SP110: variants seen among roughly 807,000 people sequenced by gnomAD.
SP110 encodes interferon-induced protein 41, 30kD.
In SP110, 62 loss-of-function variants were observed where a neutral mutation model predicts 92.7. The observed-to-expected ratio is 0.67, with a 90% CI of 0.55 to 0.83. The LOEUF (loss-of-function observed/expected upper bound fraction) is 0.83. Among genes scored for constraint, SP110 ranks in the 40% least tolerant of loss-of-function variants. The pLI is 0.00. For missense variants in SP110, 793 were observed against 863.9 expected (o/e 0.92, Z 1.03); for synonymous variants, 273 against 305.3 (o/e 0.89, Z 1.10).
chr2:230,195,126 C>T (rs2042809322), intron 10 of SP110, among the ~76,000 whole-genome samples: 1 of 152,004 alleles, frequency 6.6e-6, no homozygotes, highest in Non-Finnish European at 1.5e-5. Context: ...AAAAAACCCA[C>T]ATCTTTTATG....
chr2:230,179,498 T>TG (rs1560532592), intron 12 of SP110, among the ~76,000 whole-genome samples: 6 of 32,038 alleles, frequency 1.9e-4, no homozygotes, highest in Admixed American at 3.6e-4. Flanking sequence ...CAGGGAGGAG[T>TG]GGGGGTGGGA....
chr2:230,172,349 CA>C, intron 15 of SP110, 175 bp from the exon 16 acceptor site: 1 of 663,332 alleles, frequency 1.5e-6, no homozygotes, highest in Non-Finnish European at 2.8e-6. Context: ...TCCCTCGCAT[CA>C]GTGGTAGCGG....
chr2:230,183,711 C>G (rs750092989), intron 11 of SP110, 71 bp from the exon 12 acceptor site: 15 of 1,035,562 alleles, frequency 1.4e-5, no homozygotes, highest in Non-Finnish European at 2.1e-5. Context: ...TAACAATCTT[C>G]AAGCATTTTT....
At chr2:230,187,681 T>C (rs2042418890) in intron 10 of SP110, among the ~76,000 whole-genome samples, 1 of 152,036 alleles carries the variant, frequency 6.6e-6, no homozygotes, top group Non-Finnish European at 1.5e-5. Flanking sequence ...AGGTGGGAAA[T>C]AGGGATCCAG....
intron 14 of SP110, chr2:230,173,460 A>G (rs72994192): frequency 1.1e-5 from 2 of 177,842 alleles, no homozygotes; most frequent in Non-Finnish European, 2.5e-5. Context: ...GCTATGACCC[A>G]GTAAATAACA....
intron 17 of SP110, 44 bp downstream of exon 17, chr2:230,171,652 C>A: frequency 2.7e-6 from 4 of 1,475,334 alleles, no homozygotes. Flanking sequence ...CCCCAAATTT[C>A]TCCAAATGCA....
chr2:230,212,907 T>C lies in SP110; in HGVS notation c.437A>G (p.Gln146Arg), dbSNP rs758457774. The C allele has an allele frequency of 1.2e-6, 2 of 1,613,844 alleles. No individual in the cohort carries two copies. Among genetic ancestry groups the C allele is most frequent in the South Asian group, 2.2e-5 (2 of 91,078 alleles). The part of the protein sequence containing the change: ...PLALPPPQPP[Q>R]PSCSPCAPRV... ...TGGCGCACAGGGTGAACAGCTTGGT[T>C]GAGGGGGTTGTGGTGGGGGCAGCGC... Residue 146 changes from glutamine to arginine, a missense_variant, in exon 4 of 19, where the codon CAA (glutamine) becomes CGA (arginine). By Grantham distance (43) the Gln-to-Arg change is conservative. Transcript: ENST00000258381.
intron 3 of SP110, 69 bp downstream of exon 3, chr2:230,214,881 T>C: frequency 7.5e-7 from 1 of 1,332,960 alleles, no homozygotes; most frequent in Non-Finnish European, 1.1e-6. Flanking sequence ...TCCACAGGGC[T>C]AGAAGTAAAC....
chr2:230,212,957 T>C lies in SP110; in HGVS notation c.387A>G (p.Glu129=). ...ILLEAPTGLA[E]GSSLHTPLAL... ...CCAGTGGGGTATGGAGGGAGCTTCC[T>C]TCTGCTAGGCCAGTTGGGGCTTCAA... The change falls in exon 4 of 19, where the codon GAA becomes GAG. Residue 129 remains glutamate, a synonymous_variant. Transcript: ENST00000258381. 6.2e-7 allele frequency: 1 copy of C among 1,614,044 alleles called. No homozygotes were observed. The highest frequency in any genetic ancestry group is 8.5e-7 in the Non-Finnish European group (1 of 1,179,978).
At chr2:230,209,841 A>G in intron 7 of SP110, 90 bp downstream of exon 7, 1 of 812,500 alleles carries the variant, frequency 1.2e-6, no homozygotes, top group Middle Eastern at 2.2e-4. Flanking sequence ...GTGGTCACAT[A>G]GTGGTGCTCT....
At chr2:230,194,265 G>A (rs1237797021) in intron 10 of SP110, among the ~76,000 whole-genome samples, 11 of 151,936 alleles carry the variant, frequency 7.2e-5, no homozygotes, top group East Asian at 3.9e-4. Context: ...CCCACTGACC[G>A]GCATATCTTA....
intron 10 of SP110, among the ~76,000 whole-genome samples, chr2:230,186,661 C>T (rs1410166458): frequency 6.6e-6 from 1 of 152,082 alleles, no homozygotes; most frequent in Admixed American, 6.5e-5. Flanking sequence ...CTCCTCCGTC[C>T]CTCTCCTTTC....
upstream of SP110, chr2:230,221,704 C>A (rs2045836860): frequency 7.8e-6 from 12 of 1,535,996 alleles, no homozygotes; most frequent in Non-Finnish European, 1.0e-5. Context: ...ATGTCACTTA[C>A]CTGAAGCCCC....
Position 230,211,391 on chromosome 2 carries a change from C to A in SP110, c.751+79G>T. 1.1e-6 allele frequency: 1 copy of A among 920,328 alleles called. No homozygotes were observed. 57.0% of individuals were successfully genotyped at this position (920,328 alleles called of 1,614,324 possible). ...GAGAGGCAGGAGGAGAGCCCCCTCTCTAGAAGATCCGAATGGCTTTTCCTC... is the reference window on the plus strand; with the variant it reads ...GAGAGGCAGGAGGAGAGCCCCCTCTATAGAAGATCCGAATGGCTTTTCCTC... On this transcript the variant is annotated intron_variant, in intron 6 of 18. Transcript: ENST00000258381. The surrounding 1 kb of genome is among the most constrained non-coding windows in gnomAD (Gnocchi z 4.2).
chr2:230,168,865 T>C lies in SP110; in HGVS notation c.*259A>G, dbSNP rs2078354616. ...AACTCTAAAAAGACTTATGAGACAG[T>C]GGGGAGAATGTGAACTATGATGGGG... is the stretch of plus-strand genomic sequence containing the variant. On this transcript the variant is annotated 3_prime_UTR_variant, in exon 19 of 19. Coordinates refer to ENST00000258381, the MANE Select transcript of SP110 (RefSeq NM_080424.4). The C allele has an allele frequency of 2.6e-6, 1 of 386,040 alleles. No homozygotes were observed. The highest frequency in any genetic ancestry group is 4.8e-6 in the Non-Finnish European group (1 of 206,488). 23.9% of individuals were successfully genotyped at this position (386,040 alleles called of 1,614,324 possible). A position where few individuals can be genotyped will look rare whatever the true frequency, so the allele number is the denominator to read the frequency against.
At chr2:230,190,160 A>G (rs771991563) in intron 10 of SP110, among the ~76,000 whole-genome samples, 8 of 152,036 alleles carry the variant, frequency 5.3e-5, no homozygotes, top group Non-Finnish European at 8.8e-5. Flanking sequence ...ACTAATTTAC[A>G]CTCCCACCAA....
chr2:230,206,363 A>G (rs562927373), intron 8 of SP110, among the ~76,000 whole-genome samples: 8 of 151,720 alleles, frequency 5.3e-5, no homozygotes, highest in Admixed American at 4.6e-4. Context: ...AGTATAGTCA[A>G]CCATTCCCTC....
Position 230,211,338 on chromosome 2 carries a change from G to A in SP110, c.751+132C>T, listed in dbSNP as rs2044451409. ...GCCTGTTCAAGCTCCCAAGTGCTGG[G>A]TGAACTGGAAGCTGGGCCAAGATTG... On this transcript the variant is annotated intron_variant, in intron 6 of 18. Transcript: ENST00000258381. This position sits in a 1 kb window ranked among gnomAD's most constrained non-coding sequence, Gnocchi z 4.2. 1.4e-6 allele frequency: 1 copy of A among 725,626 alleles called. No individual in the cohort carries two copies. Among genetic ancestry groups the A allele is most frequent in the South Asian group, 1.4e-5 (1 of 69,226 alleles). The allele number at this position is 725,626 out of a possible 1,614,324, so 44.9% of individuals were successfully genotyped here. A position where few individuals can be genotyped will look rare whatever the true frequency, so the allele number is the denominator to read the frequency against.
At chr2:230,181,983 T>A (rs1273637112) in intron 12 of SP110, among the ~76,000 whole-genome samples, 1 of 152,252 alleles carries the variant, frequency 6.6e-6, no homozygotes, top group Non-Finnish European at 1.5e-5. Context: ...TATAAATCAT[T>A]CTATTATAAA....
Sources: allele counts gnomAD v4.1 joint callset (sites outside exome capture counted in the v4.1 genomes callset), GRCh38; gene constraint gnomAD v4.1.1; non-coding constraint Gnocchi (gnomAD v3.1); transcripts MANE v1.5; gene names NCBI Gene and HGNC (gene_info 2026-07-23, HGNC 2026-07-21).